CXADR: variants seen among roughly 807,000 people sequenced by gnomAD.
The protein encoded by CXADR is coxsackievirus and adenovirus receptor.
A neutral mutation model predicts 40.3 loss-of-function variants in CXADR; 20 were observed. The ratio of observed to expected loss-of-function variants is 0.50; its 90% confidence interval spans 0.35 to 0.72. The LOEUF (loss-of-function observed/expected upper bound fraction) is 0.72, where lower values mean the gene tolerates loss of function less well. Ranked by LOEUF, CXADR falls within the 30% of genes least tolerant of loss-of-function variation. The probability of loss-of-function intolerance (pLI) is 0.01; values close to 1 mark genes in which losing one functional copy is unlikely to be tolerated. For synonymous variants in CXADR, 150 were observed against 161.3 expected, an observed-to-expected ratio of 0.93 and a Z score of 0.53; for missense variants, 332 against 449.1, an observed-to-expected ratio of 0.74 and a Z score of 2.36.
At position 17,568,328 on chromosome 21, in the gene CXADR, C is replaced by A; in HGVS notation, c.*2636C>A. 1 of 814,590 alleles carries A rather than the reference C, an allele frequency of 1.2e-6. No homozygotes were observed. Among genetic ancestry groups the A allele is most frequent in the Non-Finnish European group, 1.5e-6 (1 of 674,930 alleles). 50.5% of individuals were successfully genotyped at this position (814,590 alleles called of 1,614,324 possible). On this transcript the variant is annotated 3_prime_UTR_variant, in exon 7 of 7. Transcript: ENST00000284878. ...TAATTTTAGTAGAGACAGGGTTTCA[C>A]CGTGTTAGCCAGGATGGTCTCGATC...
chr21:17,599,687 CCAGGCTGGT>C, the CXADR span, among the ~76,000 whole-genome samples: 1 of 152,100 alleles, frequency 6.6e-6, no homozygotes, highest in Non-Finnish European at 1.5e-5. Flanking sequence ...ACCATGCTGG[CCAGGCTGGT>C]CTTGAACTCC....
intron 1 of CXADR, chr21:17,518,886 T>A: frequency 6.4e-7 from 1 of 1,571,842 alleles, no homozygotes; most frequent in Non-Finnish European, 8.8e-7. Context: ...TCTGAAGCTT[T>A]TTGTCATCAG....
chr21:17,534,019 T>TATATATAGCTATATAGATATATATACAC (rs1356079376), intron 1 of CXADR, among the ~76,000 whole-genome samples: 1 of 81,400 alleles, frequency 1.2e-5, no homozygotes, highest in Non-Finnish European at 2.7e-5. Context: ...TATATATATA[T>TATATATAGCTATATAGATATATATACAC]ATATATATAG....
intron 4 of CXADR, 45 bp downstream of exon 4, chr21:17,559,176 C>G: frequency 1.3e-6 from 2 of 1,598,022 alleles, no homozygotes; most frequent in Non-Finnish European, 8.6e-7. Context: ...TTGATTTGGA[C>G]TAAGATCTAG....
chr21:17,539,820 ATCT>A (rs1644428231), intron 1 of CXADR, among the ~76,000 whole-genome samples: 1 of 152,190 alleles, frequency 6.6e-6, no homozygotes, highest in Admixed American at 6.5e-5. Context: ...ATATGTTTAA[ATCT>A]TCTTGAGAAT....
chr21:17,564,521 CAA>C (rs941581573), intron 6 of CXADR, among the ~76,000 whole-genome samples: 1 of 151,574 alleles, frequency 6.6e-6, no homozygotes, highest in African/African-American at 2.4e-5. Context: ...AATATTAAAA[CAA>C]AATTTTCTAT....
intron 7 of CXADR, among the ~76,000 whole-genome samples, chr21:17,577,710 T>C (rs1239231277): frequency 6.7e-6 from 1 of 149,542 alleles, no homozygotes; most frequent in Non-Finnish European, 1.5e-5. Flanking sequence ...ACTTCTGGCC[T>C]TTCTTTTTTA....
intron 7 of CXADR, among the ~76,000 whole-genome samples, chr21:17,588,774 A>C (rs530400079): frequency 6.6e-6 from 1 of 152,244 alleles, no homozygotes; most frequent in African/African-American, 2.4e-5. Context: ...AATTCTTGGT[A>C]ATTCTTGAAA....
intron 7 of CXADR, among the ~76,000 whole-genome samples, chr21:17,576,087 CAAAAAA>C (rs35462120): frequency 2.5e-5 from 3 of 121,670 alleles, no homozygotes; most frequent in Admixed American, 8.7e-5. Flanking sequence ...GACTCCATCT[CAAAAAA>C]AAAAAAAAAA....
the CXADR span, chr21:17,598,873 G>A: frequency 2.1e-6 from 3 of 1,460,376 alleles, no homozygotes; most frequent in Admixed American, 4.2e-5. Flanking sequence ...CATCAGCAAA[G>A]CAAAAAATGT....
rs199863730 is a variant in CXADR at position 17,561,246 on chromosome 21, G to C, written c.695-92G>C. On this transcript the variant is annotated intron_variant, in intron 5 of 6. Transcript: ENST00000284878. ...ATAATTTGTCTTAAAGTTAACACGTGATGAAATCAATCTAAAAATGTATAG... is the reference window on the plus strand; with the variant it reads ...ATAATTTGTCTTAAAGTTAACACGTCATGAAATCAATCTAAAAATGTATAG... 2,452 of 771,944 alleles carry C rather than the reference G, an allele frequency of 3.2e-3. 73 individuals are homozygous for C. In the East Asian group the frequency reaches 0.058, roughly 18 times the overall value. The allele number at this position is 771,944 out of a possible 1,614,324, so 47.8% of individuals were successfully genotyped here.
intron 1 of CXADR, among the ~76,000 whole-genome samples, chr21:17,519,819 TGTG>T (rs1266773833): frequency 6.6e-6 from 1 of 152,002 alleles, no homozygotes; most frequent in African/African-American, 2.4e-5. Context: ...ATTAGCCAGG[TGTG>T]GTGATGTGCG....
chr21:17,629,712 C>T, the CXADR span, among the ~76,000 whole-genome samples: 1 of 152,056 alleles, frequency 6.6e-6, no homozygotes, highest in African/African-American at 2.4e-5. Context: ...GTGGTGGATG[C>T]CTGTAATACC....
In CXADR at chr21:17,568,681, G is replaced by A; in HGVS notation, c.*2989G>A. ...GCTGGGATTACAGGTGTGAGCCGCA[G>A]CATCCAGCCAGTTCTGTACTTTGAA... On this transcript the variant is annotated 3_prime_UTR_variant, in exon 7 of 7. Transcript: ENST00000284878. 1 of 984,926 alleles carries A rather than the reference G, an allele frequency of 1.0e-6. No individual in the cohort carries two copies. The highest frequency in any genetic ancestry group is 5.2e-4 in the Middle Eastern group (1 of 1,912). 61.0% of individuals were successfully genotyped at this position (984,926 alleles called of 1,614,324 possible).
At chr21:17,513,266 G>A in intron 1 of CXADR, 94 bp downstream of exon 1, 2 of 1,222,958 alleles carry the variant, frequency 1.6e-6, no homozygotes, top group South Asian at 2.6e-5. Context: ...GGGGGAGGGG[G>A]CGGGCGCGAT....
the CXADR span, among the ~76,000 whole-genome samples, chr21:17,620,782 A>G: frequency 6.6e-6 from 1 of 152,218 alleles, no homozygotes; most frequent in South Asian, 2.1e-4. Context: ...CAGAACCAAT[A>G]GGAGGCACAG....
rs528235185 is a variant in CXADR, at chr21:17,558,674, G to A, written c.416-302G>A. Among the ~76,000 whole-genome samples, 4 of 152,052 alleles carry A rather than the reference G, an allele frequency of 2.6e-5. No homozygotes were observed. In the South Asian group the frequency reaches 8.3e-4, roughly 32 times the overall value. ...CTCTCAAGTGGTCTTGCTGAAAAAA[G>A]CAAGTGCATCATTCTTGCTTTTTTT... On this transcript the variant is annotated intron_variant, in intron 3 of 6. Coordinates refer to ENST00000284878, the MANE Select transcript of CXADR (RefSeq NM_001338.5).
chr21:17,543,962 G>C (rs1031356151), intron 1 of CXADR, among the ~76,000 whole-genome samples: 1 of 152,044 alleles, frequency 6.6e-6, no homozygotes, highest in Non-Finnish European at 1.5e-5. Flanking sequence ...TCAGGAGTTA[G>C]AGACCAGCCT....
intron 7 of CXADR, among the ~76,000 whole-genome samples, chr21:17,576,380 T>C (rs564953105): frequency 1.3e-5 from 2 of 152,268 alleles, no homozygotes; most frequent in South Asian, 4.1e-4. Flanking sequence ...ATGAATAAAA[T>C]AGGATAATAG....
Sources: allele counts gnomAD v4.1 joint callset (sites outside exome capture counted in the v4.1 genomes callset), GRCh38; gene constraint gnomAD v4.1.1; transcripts MANE v1.5; gene names NCBI Gene and HGNC (gene_info 2026-07-23, HGNC 2026-07-21).